Variants in GLIS3 observed in about 807,000 individuals in gnomAD.
GLIS3 encodes GLIS family zinc finger 3.
GLIS3 carries 53 observed loss-of-function variants against 78.6 expected under a neutral mutation model. The observed-to-expected ratio is 0.67, with a 90% CI of 0.54 to 0.85. The LOEUF is 0.85. GLIS3 is among the 40% of genes least tolerant of loss of function. The probability of loss-of-function intolerance (pLI) is 0.00; values close to 1 mark genes in which losing one functional copy is unlikely to be tolerated. For missense variants in GLIS3, 1,703 were observed against 1,231.1 expected (o/e 1.38, Z -5.74); for synonymous variants, 684 against 509.9 (o/e 1.34, Z -4.60).
intron 4 of GLIS3, among the ~76,000 whole-genome samples, chr9:4,078,566 C>T (rs570611848): frequency 6.6e-6 from 1 of 152,338 alleles, no homozygotes; most frequent in Admixed American, 6.5e-5. Context: ...CTAGCTGTCC[C>T]ATCTACAGAT....
At chr9:4,316,507 G>A (rs1023462135) in intron 2 of GLIS3, among the ~76,000 whole-genome samples, 5 of 152,156 alleles carry the variant, frequency 3.3e-5, no homozygotes, top group Non-Finnish European at 7.3e-5. Flanking sequence ...ATCAGTTCCT[G>A]GCCAGATTCA....
At chr9:4,366,026 A>C in the GLIS3 span, among the ~76,000 whole-genome samples, 1 of 152,206 alleles carries the variant, frequency 6.6e-6, no homozygotes, top group Non-Finnish European at 1.5e-5. Context: ...CAGGGAAGGA[A>C]AGGCCGTTGA....
At chr9:3,835,971 T>A (rs1818327131) in intron 9 of GLIS3, among the ~76,000 whole-genome samples, 1 of 152,158 alleles carries the variant, frequency 6.6e-6, no homozygotes, top group Non-Finnish European at 1.5e-5. Flanking sequence ...TCATACTACA[T>A]ATGACAATAG....
chr9:4,344,585 C>A (rs557429983), intron 2 of GLIS3, among the ~76,000 whole-genome samples: 89 of 152,314 alleles, frequency 5.8e-4, no homozygotes, highest in Admixed American at 2.6e-3. Context: ...AGTCTTCTGG[C>A]TTTAAATATC....
intron 4 of GLIS3, among the ~76,000 whole-genome samples, chr9:3,965,581 G>A (rs896063545): frequency 6.6e-6 from 1 of 152,170 alleles, no homozygotes; most frequent in African/African-American, 2.4e-5. Context: ...CTAAAGAAAA[G>A]TTGTAAAAGA....
chr9:4,089,329 C>T (rs546198938), intron 4 of GLIS3, among the ~76,000 whole-genome samples: 3 of 151,298 alleles, frequency 2.0e-5, no homozygotes, highest in Non-Finnish European at 4.4e-5. Context: ...ACAGTCTCAT[C>T]TTGAAGAGTG....
chr9:4,153,266 G>A (rs1463485793), intron 2 of GLIS3, among the ~76,000 whole-genome samples: 1 of 152,098 alleles, frequency 6.6e-6, no homozygotes, highest in Non-Finnish European at 1.5e-5. Flanking sequence ...TCAAAAATAT[G>A]AAAATAAAAA....
chr9:4,215,997 T>C (rs941283647), intron 2 of GLIS3, among the ~76,000 whole-genome samples: 4 of 152,226 alleles, frequency 2.6e-5, no homozygotes, highest in African/African-American at 9.6e-5. Context: ...GACTCCATGA[T>C]GCTTGGGCTG....
At chr9:4,098,982 A>C (rs1479142744) in intron 4 of GLIS3, among the ~76,000 whole-genome samples, 1 of 152,180 alleles carries the variant, frequency 6.6e-6, no homozygotes, top group South Asian at 2.1e-4. Context: ...GCCCTGACAC[A>C]TAACAGACCA....
chr9:3,835,894 T>C lies in GLIS3; in HGVS notation c.2474-6402A>G, dbSNP rs28377657. 6.1e-3 allele frequency among the ~76,000 whole-genome samples: 929 copies of C among 152,320 alleles called. 7 individuals are homozygous for C. The highest frequency in any genetic ancestry group is 0.021 in the African/African-American group (885 of 41,570). ...GGTAAATAAATCACACTCCATGCCT[T>C]TTTGGAGCCTGCATTTTAGTGAGAA... On this transcript the variant is annotated intron_variant, in intron 9 of 10. Transcript: ENST00000381971.
At chr9:4,430,713 G>A in the GLIS3 span, among the ~76,000 whole-genome samples, 1 of 152,080 alleles carries the variant, frequency 6.6e-6, no homozygotes, top group East Asian at 1.9e-4. Flanking sequence ...TGGAGAATGT[G>A]TAAATTACTG....
Position 4,299,961 on chromosome 9 carries a change from C to T in GLIS3, c.-639G>A, listed in dbSNP as rs1816981145. The T allele has an allele frequency of 6.6e-6, 1 of 151,986 alleles. No homozygotes were observed. The highest frequency in any genetic ancestry group is 6.5e-5 in the Admixed American group (1 of 15,268). 9.4% of individuals were successfully genotyped at this position (151,986 alleles called of 1,614,324 possible). A position where few individuals can be genotyped will look rare whatever the true frequency, so the allele number is the denominator to read the frequency against. On this transcript the variant is annotated 5_prime_UTR_variant, in exon 1 of 11. Transcript: ENST00000381971. ...CACTCGCCGCCGGTGCCCGTGCGCG[C>T]CGCGCTCTGGGCTGCCCGGGCGGCG...
chr9:3,975,876 T>G (rs1818744334), intron 4 of GLIS3, among the ~76,000 whole-genome samples: 1 of 152,076 alleles, frequency 6.6e-6, no homozygotes, highest in South Asian at 2.1e-4. Flanking sequence ...AAAACACAGA[T>G]AAATTAGGTG....
chr9:4,330,584 T>G (rs1431823706), intron 2 of GLIS3, among the ~76,000 whole-genome samples: 2 of 145,848 alleles, frequency 1.4e-5, no homozygotes, highest in African/African-American at 5.3e-5. Context: ...GAGGTGGAGG[T>G]GAAGGTTGGA....
At chr9:4,408,521 G>C in the GLIS3 span, among the ~76,000 whole-genome samples, 1 of 151,680 alleles carries the variant, frequency 6.6e-6, no homozygotes, top group South Asian at 2.1e-4. Flanking sequence ...AAGGTCAGGA[G>C]ATCGAGACCA....
chr9:4,439,514 C>A, the GLIS3 span, among the ~76,000 whole-genome samples: 3 of 152,148 alleles, frequency 2.0e-5, no homozygotes, highest in Non-Finnish European at 4.4e-5. Context: ...AAAATTTTTT[C>A]CTCCTGCCTT....
At chr9:4,094,243 C>A (rs1829763744) in intron 4 of GLIS3, among the ~76,000 whole-genome samples, 1 of 152,190 alleles carries the variant, frequency 6.6e-6, no homozygotes, top group Non-Finnish European at 1.5e-5. Context: ...ACATTTCTTA[C>A]CTACCAGATT....
chr9:4,016,888 C>T (rs1323766102), intron 4 of GLIS3, among the ~76,000 whole-genome samples: 1 of 152,102 alleles, frequency 6.6e-6, no homozygotes, highest in Non-Finnish European at 1.5e-5. Flanking sequence ...AACACTTAAA[C>T]GGCACAAGGA....
At chr9:3,859,321 G>T (rs1820003746) in intron 8 of GLIS3, among the ~76,000 whole-genome samples, 1 of 151,466 alleles carries the variant, frequency 6.6e-6, no homozygotes, top group African/African-American at 2.4e-5. Flanking sequence ...CTAAGTGTCT[G>T]CACCTACTTT....
Sources: gnomAD v4.1 joint callset for allele counts (sites outside exome capture counted in the v4.1 genomes callset) on GRCh38, gnomAD v4.1.1 for gene constraint, MANE v1.5 for transcripts, NCBI Gene and HGNC (gene_info 2026-07-23, HGNC 2026-07-21) for gene names.